The following INPP4B variants were observed in gnomAD, a reference collection of about 807,000 sequenced individuals.
INPP4B encodes the protein inositol polyphosphate-4-phosphatase type II B, also known as inositol polyphosphate 4-phosphatase type II.
INPP4B carries 55 observed loss-of-function variants against 122.5 expected under a neutral mutation model. The ratio of observed to expected loss-of-function variants is 0.45; its 90% confidence interval spans 0.36 to 0.56. INPP4B has a LOEUF of 0.56. Ranked by LOEUF, INPP4B falls within the 20% of genes least tolerant of loss-of-function variation. INPP4B has a pLI of 0.00. For missense variants in INPP4B, 1,000 were observed against 1,097.7 expected (o/e 0.91, Z 1.26); for synonymous variants, 403 against 388.7 (o/e 1.04, Z -0.43).
intron 25 of INPP4B, among the ~76,000 whole-genome samples, chr4:142,072,559 C>G (rs1178432020): frequency 7.0e-6 from 1 of 142,310 alleles, no homozygotes; most frequent in African/African-American, 2.7e-5. Context: ...TTTTTTTTAC[C>G]TTTCCTCAAT....
At chr4:142,539,483 A>G (rs1668539540) in intron 2 of INPP4B, among the ~76,000 whole-genome samples, 1 of 151,994 alleles carries the variant, frequency 6.6e-6, no homozygotes, top group South Asian at 2.1e-4. Flanking sequence ...TATTTCATCA[A>G]TGGTCTTAGC....
chr4:142,386,291 T>A (rs1358662770), intron 7 of INPP4B, among the ~76,000 whole-genome samples: 2 of 152,164 alleles, frequency 1.3e-5, no homozygotes, highest in African/African-American at 2.4e-5. Context: ...AACTCTTAGG[T>A]TGCTACCATA....
At position 142,145,842 on chromosome 4, in the gene INPP4B, C is replaced by G; in HGVS notation, c.1718G>C (p.Arg573Thr). Residue 573 changes from arginine to threonine, a missense_variant and splice_region_variant, in exon 18 of 26, where the codon AGA becomes ACA. Physicochemically the swap from Arg to Thr is moderately conservative, Grantham distance 71 (BLOSUM62 -1). Transcript: ENST00000262992. Reference protein sequence around the residue: ...SLTDAIPSHPREDWYEQLYPL... With the variant: ...SLTDAIPSHPTEDWYEQLYPL... Reference sequence around the variant, plus strand: ...TGGGAAAAAAAATTATTTCTTACCTCTTGGGTGAGAGGGAATGGCATCTGT... The same window carrying G: ...TGGGAAAAAAAATTATTTCTTACCTGTTGGGTGAGAGGGAATGGCATCTGT... 1 of 1,613,116 alleles carries G rather than the reference C, an allele frequency of 6.2e-7. No homozygotes were observed. The highest frequency in any genetic ancestry group is 8.5e-7 in the Non-Finnish European group (1 of 1,179,470).
At chr4:142,383,227 A>G (rs867022617) in intron 7 of INPP4B, among the ~76,000 whole-genome samples, 3 of 152,096 alleles carry the variant, frequency 2.0e-5, no homozygotes, top group African/African-American at 7.2e-5. Flanking sequence ...TTTAATTGAA[A>G]TTTACTTATA....
At chr4:142,739,373 A>T (rs1226626838) in intron 1 of INPP4B, among the ~76,000 whole-genome samples, 1 of 152,074 alleles carries the variant, frequency 6.6e-6, no homozygotes, top group Non-Finnish European at 1.5e-5. Flanking sequence ...TATCAAGGAA[A>T]GTAATTGTTT....
At chr4:142,352,849 A>G (rs1209125912) in intron 7 of INPP4B, among the ~76,000 whole-genome samples, 1 of 152,000 alleles carries the variant, frequency 6.6e-6, no homozygotes, top group East Asian at 1.9e-4. Flanking sequence ...GTAGGAGGCA[A>G]TATCCTATAA....
chr4:142,635,616 A>T (rs1364193925), intron 2 of INPP4B, among the ~76,000 whole-genome samples: 1 of 152,208 alleles, frequency 6.6e-6, no homozygotes, highest in Non-Finnish European at 1.5e-5. Context: ...ACAGAAAACC[A>T]AATACTGCAT....
At chr4:142,500,782 G>A (rs903314977) in intron 2 of INPP4B, among the ~76,000 whole-genome samples, 2 of 152,022 alleles carry the variant, frequency 1.3e-5, no homozygotes, top group African/African-American at 4.8e-5. Flanking sequence ...AGGCACAGAA[G>A]GACAAATACT....
chr4:142,065,846 AATACAG>A lies in INPP4B; in HGVS notation c.2642+16179_2642+16184del, dbSNP rs539105655. Among the ~76,000 whole-genome samples the A allele has an allele frequency of 5.3e-5, 8 of 152,328 alleles. No individual in the cohort carries two copies. In the East Asian group the frequency reaches 1.4e-3, roughly 26 times the overall value. On this transcript the variant is annotated intron_variant, in intron 25 of 25. Transcript: ENST00000262992. ...AGTTTATTATAAAGGTATTACAAAT[AATACAG>A]ATGAAGAGATGTGTGGGGTGAGGTA... is the stretch of plus-strand genomic sequence containing the variant.
intron 3 of INPP4B, among the ~76,000 whole-genome samples, chr4:142,438,313 T>C (rs757692961): frequency 1.3e-5 from 2 of 152,190 alleles, no homozygotes; most frequent in Non-Finnish European, 2.9e-5. Context: ...ACTACAAGGC[T>C]ATAGTAACCA....
At chr4:142,303,500 C>G (rs1030305010) in intron 9 of INPP4B, among the ~76,000 whole-genome samples, 1 of 152,062 alleles carries the variant, frequency 6.6e-6, no homozygotes, top group African/African-American at 2.4e-5. Context: ...TGACCTAAGG[C>G]TCTTCTAACT....
chr4:142,716,343 T>C (rs1763761846), intron 2 of INPP4B, among the ~76,000 whole-genome samples: 1 of 152,234 alleles, frequency 6.6e-6, no homozygotes, highest in South Asian at 2.1e-4. Flanking sequence ...TAGCAAGCTA[T>C]AGGCTTCAAG....
chr4:142,055,021 G>A (rs150627561), intron 25 of INPP4B, among the ~76,000 whole-genome samples: 1,670 of 152,148 alleles, frequency 0.011, 28 homozygotes, highest in African/African-American at 0.037. Context: ...ATATGTTTGT[G>A]TGTGCATGTG....
chr4:142,113,913 C>T (rs1791554659), intron 21 of INPP4B, among the ~76,000 whole-genome samples: 1 of 151,790 alleles, frequency 6.6e-6, no homozygotes, highest in East Asian at 1.9e-4. Context: ...AGGTTTAGTA[C>T]ATTTCCATCA....
chr4:142,269,423 G>T (rs537195446), intron 10 of INPP4B, among the ~76,000 whole-genome samples: 12 of 152,098 alleles, frequency 7.9e-5, no homozygotes, highest in Non-Finnish European at 1.2e-4. Context: ...TTTCCCAGGT[G>T]CAGCCTCAAC....
intron 2 of INPP4B, among the ~76,000 whole-genome samples, chr4:142,600,225 G>A (rs933332518): frequency 6.6e-6 from 1 of 152,074 alleles, no homozygotes; most frequent in Non-Finnish European, 1.5e-5. Flanking sequence ...TAGTCAAACT[G>A]TCTAAAATCA....
chr4:142,842,839 T>A (rs1362303246), intron 1 of INPP4B, among the ~76,000 whole-genome samples: 1 of 135,914 alleles, frequency 7.4e-6, no homozygotes, highest in East Asian at 2.0e-4. Context: ...TTATATATCA[T>A]ATATATCAAA....
chr4:142,726,042 C>G, intron 1 of INPP4B, 141 bp from the exon 2 acceptor site: 1 of 384,978 alleles, frequency 2.6e-6, no homozygotes, highest in Middle Eastern at 6.6e-4. Context: ...CAGCAGCTGC[C>G]TCAGGAAACA....
intron 8 of INPP4B, among the ~76,000 whole-genome samples, chr4:142,307,881 AC>A (rs1764037665): frequency 6.6e-6 from 1 of 152,202 alleles, no homozygotes; most frequent in South Asian, 2.1e-4. Flanking sequence ...AAAGCTGGCT[AC>A]ACATGTCATG....
Sources: gnomAD v4.1 joint callset for allele counts (sites outside exome capture counted in the v4.1 genomes callset) on GRCh38, gnomAD v4.1.1 for gene constraint, MANE v1.5 for transcripts, NCBI Gene and HGNC (gene_info 2026-07-23, HGNC 2026-07-21) for gene names.